SH3BP4: variants seen among roughly 807,000 people sequenced by gnomAD.
The protein encoded by SH3BP4 is SH3 domain-binding protein 4.
In SH3BP4, 33 loss-of-function variants were observed where a neutral mutation model predicts 65.5. That is an observed-to-expected ratio of 0.50 (90% CI 0.38 to 0.67). The LOEUF is 0.67. Among genes scored for constraint, SH3BP4 ranks in the 30% least tolerant of loss-of-function variants. SH3BP4 has a pLI of 0.00. For missense variants in SH3BP4, 1,134 were observed against 1,261.4 expected (o/e 0.90, Z 1.53); for synonymous variants, 552 against 545.5 (o/e 1.01, Z -0.17).
intron 3 of SH3BP4, among the ~76,000 whole-genome samples, chr2:235,036,573 G>A (rs992104342): frequency 9.9e-5 from 15 of 151,868 alleles, no homozygotes; most frequent in Non-Finnish European, 2.1e-4. Flanking sequence ...GGCCAACATG[G>A]TGAAACCCCG....
intron 1 of SH3BP4, among the ~76,000 whole-genome samples, chr2:234,964,600 G>T (rs193151224): frequency 6.6e-6 from 1 of 152,096 alleles, no homozygotes; most frequent in East Asian, 1.9e-4. Flanking sequence ...TGAAGAATGA[G>T]CAGGCCAGGA....
intron 4 of SH3BP4, among the ~76,000 whole-genome samples, chr2:235,047,665 G>A (rs1367796155): frequency 3.9e-5 from 6 of 152,250 alleles, no homozygotes; most frequent in Non-Finnish European, 8.8e-5. Context: ...ATCAGCCATG[G>A]GAGCAGAAGC....
intron 2 of SH3BP4, among the ~76,000 whole-genome samples, chr2:235,022,686 A>G (rs1182798733): frequency 6.6e-6 from 1 of 152,094 alleles, no homozygotes; most frequent in African/African-American, 2.4e-5. Context: ...TGAGAACTGG[A>G]CACCCGCCGC....
intron 2 of SH3BP4, among the ~76,000 whole-genome samples, chr2:235,018,678 T>C (rs569341209): frequency 1.3e-5 from 2 of 152,162 alleles, no homozygotes; most frequent in Admixed American, 1.3e-4. Context: ...GCTCTGGGGG[T>C]CCCCTTTGGT....
chr2:234,987,601 T>C (rs912784701), intron 1 of SH3BP4, among the ~76,000 whole-genome samples: 4 of 152,160 alleles, frequency 2.6e-5, no homozygotes, highest in Non-Finnish European at 4.4e-5. Flanking sequence ...CCCCCACTTA[T>C]TCATGCGAGA....
At chr2:235,019,100 C>T (rs1694772434) in intron 2 of SH3BP4, among the ~76,000 whole-genome samples, 1 of 152,178 alleles carries the variant, frequency 6.6e-6, no homozygotes, top group Non-Finnish European at 1.5e-5. Flanking sequence ...TCAGGCAGGG[C>T]CTCGGGGCCT....
chr2:235,048,363 CTCTG>C (rs1695943111), intron 4 of SH3BP4, among the ~76,000 whole-genome samples: 1 of 152,182 alleles, frequency 6.6e-6, no homozygotes, highest in South Asian at 2.1e-4. Flanking sequence ...AAAGGTCTCG[CTCTG>C]TCTCCTAGGC....
intron 4 of SH3BP4, among the ~76,000 whole-genome samples, chr2:235,044,518 A>G (rs1327810967): frequency 1.3e-5 from 2 of 152,060 alleles, no homozygotes; most frequent in Admixed American, 6.5e-5. Context: ...AGAGGGGCGC[A>G]TTGCTGGTGT....
At chr2:234,982,066 C>T (rs538901886) in intron 1 of SH3BP4, among the ~76,000 whole-genome samples, 3 of 152,222 alleles carry the variant, frequency 2.0e-5, no homozygotes, top group South Asian at 2.1e-4. Context: ...GCAGAATACC[C>T]GGGTCCATTT....
In SH3BP4 at chr2:235,045,253, A is replaced by C. The variant is rs1695815180; in HGVS notation, c.2478+2006A>C. Among the ~76,000 whole-genome samples the C allele has an allele frequency of 6.6e-6, 1 of 152,166 alleles. No individual in the cohort carries two copies. Among genetic ancestry groups the C allele is most frequent in the African/African-American group, 2.4e-5 (1 of 41,430 alleles). ...GTCGTGGAACCTGACAGCATTGCTG[A>C]GCCCAGGACACTCACCTCGACGTTG... On this transcript the variant is annotated intron_variant, in intron 4 of 5. Transcript: ENST00000392011. This position sits in a 1 kb window ranked among gnomAD's most constrained non-coding sequence, Gnocchi z 4.3.
chr2:234,983,848 A>G (rs60791709), intron 1 of SH3BP4, among the ~76,000 whole-genome samples: 1,761 of 152,152 alleles, frequency 0.012, 41 homozygotes, highest in African/African-American at 0.037. Context: ...GAAGCAGCTC[A>G]CCCCCTCGGA....
intron 1 of SH3BP4, among the ~76,000 whole-genome samples, chr2:234,969,269 G>C (rs1004841917): frequency 1.3e-5 from 2 of 152,180 alleles, no homozygotes; most frequent in Non-Finnish European, 2.9e-5. Context: ...GGTTTTGTAC[G>C]TTCGGTGCTC....
At chr2:234,998,723 C>T (rs1694006188) in intron 2 of SH3BP4, among the ~76,000 whole-genome samples, 1 of 152,244 alleles carries the variant, frequency 6.6e-6, no homozygotes, top group Non-Finnish European at 1.5e-5. Context: ...CCCGTTGCCC[C>T]TGCCCCCGCC....
intron 3 of SH3BP4, among the ~76,000 whole-genome samples, chr2:235,040,005 C>T (rs1442189729): frequency 1.3e-5 from 2 of 152,180 alleles, no homozygotes; most frequent in East Asian, 3.9e-4. Flanking sequence ...GAGGCTGAGG[C>T]GGGAGGATCA....
chr2:234,996,126 A>C (rs1437989164), intron 2 of SH3BP4: 1 of 152,156 alleles, frequency 6.6e-6, no homozygotes, highest in Non-Finnish European at 1.5e-5. Flanking sequence ...TTTTTTAGAA[A>C]AGCAACATAC....
At chr2:235,009,652 C>T (rs951636736) in intron 2 of SH3BP4, among the ~76,000 whole-genome samples, 15 of 152,096 alleles carry the variant, frequency 9.9e-5, no homozygotes, top group African/African-American at 2.7e-4. Flanking sequence ...TGACTCTTGC[C>T]TCCTTCCCAT....
chr2:235,027,573 G>A (rs962710995), intron 2 of SH3BP4, among the ~76,000 whole-genome samples: 2 of 152,310 alleles, frequency 1.3e-5, no homozygotes, highest in Non-Finnish European at 2.9e-5. Context: ...GGAATCTCCC[G>A]CTTTTTGTTT....
At chr2:235,006,921 C>T (rs1694314505) in intron 2 of SH3BP4, among the ~76,000 whole-genome samples, 1 of 152,116 alleles carries the variant, frequency 6.6e-6, no homozygotes, top group Non-Finnish European at 1.5e-5. Flanking sequence ...TGCCACGCCG[C>T]ATCTGTGTGT....
Position 235,000,478 on chromosome 2 carries a change from T to C in SH3BP4, c.-133+5102T>C, listed in dbSNP as rs111480756. On this transcript the variant is annotated intron_variant, in intron 2 of 5. Transcript: ENST00000392011. ...AAGGTCAGAGGAGGGATTAGCATGATCCACTGGCCAGAGTCAATAACACGG... is the reference window on the plus strand; with the variant it reads ...AAGGTCAGAGGAGGGATTAGCATGACCCACTGGCCAGAGTCAATAACACGG... Among the ~76,000 whole-genome samples, 643 of 152,292 alleles carry C rather than the reference T, an allele frequency of 4.2e-3. 4 individuals are homozygous for C. Among genetic ancestry groups the C allele is most frequent in the Non-Finnish European group, 6.7e-3 (459 of 68,020 alleles).
Sources: allele counts gnomAD v4.1 joint callset (sites outside exome capture counted in the v4.1 genomes callset), GRCh38; gene constraint gnomAD v4.1.1; non-coding constraint Gnocchi (gnomAD v3.1); transcripts MANE v1.5; gene names NCBI Gene and HGNC (gene_info 2026-07-23, HGNC 2026-07-21).